The following FBXW8 variants were observed in gnomAD, a reference collection of about 807,000 sequenced individuals.
FBXW8 encodes F-box and WD repeat domain containing 8.
FBXW8 carries 57 observed loss-of-function variants against 65.3 expected under a neutral mutation model. That is an observed-to-expected ratio of 0.87 (90% CI 0.71 to 1.09). The LOEUF is 1.09. Ranked by LOEUF, FBXW8 falls within the 50% of genes least tolerant of loss-of-function variation. The pLI is 0.00. For missense variants in FBXW8, 777 were observed against 814.8 expected (o/e 0.95, Z 0.57); for synonymous variants, 308 against 330.2 (o/e 0.93, Z 0.73).
chr12:116,988,064 G>C (rs369078959), intron 6 of FBXW8, among the ~76,000 whole-genome samples: 7 of 152,190 alleles, frequency 4.6e-5, no homozygotes, highest in Non-Finnish European at 1.0e-4. Context: ...GTATTCCAGC[G>C]TATAGATACA....
intron 5 of FBXW8, among the ~76,000 whole-genome samples, chr12:116,979,933 T>G (rs1398053073): frequency 6.6e-6 from 1 of 152,160 alleles, no homozygotes; most frequent in Non-Finnish European, 1.5e-5. Context: ...GGTTGTCTCC[T>G]TGCCCTGAGG....
chr12:117,019,589 C>A (rs1300423591), intron 8 of FBXW8, among the ~76,000 whole-genome samples: 1 of 152,168 alleles, frequency 6.6e-6, no homozygotes, highest in Non-Finnish European at 1.5e-5. Flanking sequence ...TTTTATTTCA[C>A]CTTTTCTAAG....
Position 117,024,011 on chromosome 12 carries a change from A to G in FBXW8, c.1368-136A>G, listed in dbSNP as rs2135725854. ...ACAGTCTGTGCTTGATGTCCTTATT[A>G]TCGATGTTTGTTTGCAGCTGAGGAG... On this transcript the variant is annotated intron_variant, in intron 8 of 10. Coordinates refer to ENST00000652555, the MANE Select transcript of FBXW8 (RefSeq NM_153348.3). 5 of 803,018 alleles carry G rather than the reference A, an allele frequency of 6.2e-6. No individual in the cohort carries two copies. The East Asian group carries it at 8.2e-5, about 13-fold the overall frequency. 49.7% of individuals were successfully genotyped at this position (803,018 alleles called of 1,614,324 possible).
At chr12:116,976,296 G>A (rs1321993438) in intron 5 of FBXW8, among the ~76,000 whole-genome samples, 1 of 151,334 alleles carries the variant, frequency 6.6e-6, no homozygotes, top group African/African-American at 2.4e-5. Flanking sequence ...TTTTGGTGGT[G>A]GTTATAATCA....
At chr12:116,951,868 C>T (rs1026216643) in intron 4 of FBXW8, among the ~76,000 whole-genome samples, 1 of 152,200 alleles carries the variant, frequency 6.6e-6, no homozygotes, top group Non-Finnish European at 1.5e-5. Flanking sequence ...AAATACCCAT[C>T]ATGTGAACAG....
intron 5 of FBXW8, among the ~76,000 whole-genome samples, chr12:116,965,433 A>G (rs1054937131): frequency 3.3e-5 from 5 of 152,210 alleles, no homozygotes; most frequent in African/African-American, 4.8e-5. Context: ...AGCTTTATCT[A>G]TGCAAAGAAA....
chr12:117,006,712 G>GTGGGCTCTGTCAGC (rs1565938456), intron 7 of FBXW8, among the ~76,000 whole-genome samples: 3 of 152,258 alleles, frequency 2.0e-5, no homozygotes, highest in African/African-American at 7.2e-5. Flanking sequence ...TGGGGAAGAG[G>GTGGGCTCTGTCAGC]TGGGCTCTGT....
chr12:117,009,265 C>T (rs1268114052), intron 7 of FBXW8, among the ~76,000 whole-genome samples: 1 of 152,014 alleles, frequency 6.6e-6, no homozygotes, highest in African/African-American at 2.4e-5. Context: ...TGGTGTTACA[C>T]ACACATGGCC....
At chr12:117,011,479 G>A (rs1332368727) in intron 8 of FBXW8, among the ~76,000 whole-genome samples, 3 of 152,214 alleles carry the variant, frequency 2.0e-5, no homozygotes, top group Non-Finnish European at 4.4e-5. Flanking sequence ...AATGGCTGAT[G>A]TTCCGGTGCT....
At chr12:116,959,913 TTTC>T (rs942551928) in intron 4 of FBXW8, among the ~76,000 whole-genome samples, 3 of 152,220 alleles carry the variant, frequency 2.0e-5, no homozygotes, top group Non-Finnish European at 4.4e-5. Context: ...AAAAGACTTC[TTTC>T]TTCTTCAGTT....
intron 4 of FBXW8, among the ~76,000 whole-genome samples, chr12:116,955,994 G>C (rs181286792): frequency 1.3e-5 from 2 of 152,238 alleles, no homozygotes; most frequent in African/African-American, 4.8e-5. Context: ...GAGTATGATG[G>C]TGTTTTGCAA....
rs776364760 is a variant in FBXW8 at position 116,985,298 on chromosome 12, G to C, written c.928G>C (p.Asp310His). 13 of 1,614,102 alleles carry C rather than the reference G, an allele frequency of 8.1e-6. No homozygotes were observed. The Admixed American group carries it at 2.2e-4, about 27-fold the overall frequency. Residue 310 changes from aspartate to histidine, a missense_variant, in exon 6 of 11, where the codon GAC (aspartate) becomes CAC (histidine). By Grantham distance (81) the Asp-to-His change is moderately conservative. Coordinates refer to ENST00000652555, the MANE Select transcript of FBXW8 (RefSeq NM_153348.3). ...ARIQALALSQ[D>H]DATVATASAF... ...AATACAGGCACTAGCCCTCAGCCAG[G>C]ACGATGCAACCGTGGCCACAGCTTC... is the stretch of plus-strand genomic sequence containing the variant.
intron 7 of FBXW8, among the ~76,000 whole-genome samples, chr12:117,009,723 T>C (rs566384329): frequency 1.2e-4 from 18 of 152,202 alleles, no homozygotes; most frequent in Non-Finnish European, 1.9e-4. Flanking sequence ...TACCTTCTTA[T>C]TTACTTTCAT....
chr12:116,947,166 A>G (rs1882985709), intron 3 of FBXW8, among the ~76,000 whole-genome samples: 1 of 152,182 alleles, frequency 6.6e-6, no homozygotes, highest in South Asian at 2.1e-4. Flanking sequence ...GTAACACTTT[A>G]CAAGTTATAT....
chr12:116,990,481 G>C lies in FBXW8; in HGVS notation c.1239+1612G>C, dbSNP rs189729580. 5.5e-3 allele frequency among the ~76,000 whole-genome samples: 844 copies of C among 152,126 alleles called. 12 individuals carry two copies. The highest frequency in any genetic ancestry group is 0.02 in the African/African-American group (815 of 41,508). On this transcript the variant is annotated intron_variant, in intron 7 of 10. Coordinates refer to ENST00000652555, the MANE Select transcript of FBXW8 (RefSeq NM_153348.3). ...CTGGTGAGCTCATTTGTTGAGAGAG[G>C]GGAGACCATTTTGCTTTCTAATTTT...
At chr12:116,923,702 T>TTTAA (rs200279515) in intron 1 of FBXW8, among the ~76,000 whole-genome samples, 15 of 148,982 alleles carry the variant, frequency 1.0e-4, no homozygotes, top group East Asian at 6.0e-4. Context: ...TTTTTGTATT[T>TTTAA]TTAATTAATT....
At chr12:116,994,917 G>C (rs1401889073) in intron 7 of FBXW8, among the ~76,000 whole-genome samples, 1 of 152,168 alleles carries the variant, frequency 6.6e-6, no homozygotes, top group Admixed American at 6.5e-5. Flanking sequence ...CCATGATTTT[G>C]ATAGACATTG....
At chr12:116,995,727 C>G (rs543769024) in intron 7 of FBXW8, among the ~76,000 whole-genome samples, 1 of 152,222 alleles carries the variant, frequency 6.6e-6, no homozygotes, top group Non-Finnish European at 1.5e-5. Flanking sequence ...TACAGGACCT[C>G]ACAGGTAGTC....
intron 8 of FBXW8, among the ~76,000 whole-genome samples, chr12:117,018,445 T>C (rs899232894): frequency 2.6e-5 from 4 of 152,116 alleles, no homozygotes; most frequent in African/African-American, 9.7e-5. Context: ...GAGTATTTGG[T>C]TTGAGTGCTG....
Sources: gnomAD v4.1 joint callset for allele counts (sites outside exome capture counted in the v4.1 genomes callset) on GRCh38, gnomAD v4.1.1 for gene constraint, MANE v1.5 for transcripts, NCBI Gene and HGNC (gene_info 2026-07-23, HGNC 2026-07-21) for gene names.